Variants in SLC35F1 observed in about 807,000 individuals in gnomAD.
SLC35F1 encodes the protein chromosome 6 open reading frame 169.
In SLC35F1, 14 loss-of-function variants were observed where a neutral mutation model predicts 48.7. That is an observed-to-expected ratio of 0.29 (90% CI 0.19 to 0.45). SLC35F1 has a LOEUF of 0.45. Ranked by LOEUF, SLC35F1 falls within the 20% of genes least tolerant of loss-of-function variation. The pLI, the probability that SLC35F1 is intolerant of heterozygous loss-of-function variation, is 1.00. For synonymous variants in SLC35F1, 190 were observed against 202.2 expected, an observed-to-expected ratio of 0.94 and a Z score of 0.51; for missense variants, 404 against 500.0, an observed-to-expected ratio of 0.81 and a Z score of 1.83.
intron 1 of SLC35F1, among the ~76,000 whole-genome samples, chr6:118,143,318 A>G (rs1773919604): frequency 6.6e-6 from 1 of 152,190 alleles, no homozygotes; most frequent in African/African-American, 2.4e-5. Flanking sequence ...TGTAAGGAAA[A>G]ATGCCAAAGT....
At chr6:118,099,281 A>ACC (rs1773222539) in intron 1 of SLC35F1, among the ~76,000 whole-genome samples, 2 of 152,222 alleles carry the variant, frequency 1.3e-5, no homozygotes, top group Admixed American at 1.3e-4. Context: ...CTGTGAAAAC[A>ACC]AATTGCTAGA....
rs1012764518 is a variant in SLC35F1 at position 117,907,986 on chromosome 6, G to C, written c.173+87G>C. 5 of 1,200,708 alleles carry C rather than the reference G, an allele frequency of 4.2e-6. No homozygotes were observed. In the African/African-American group the frequency reaches 4.8e-5, roughly 12 times the overall value. The allele number at this position is 1,200,708 out of a possible 1,614,324, so 74.4% of individuals were successfully genotyped here. ...CCCCTCCGTCCCTGGGGCGGCCCAC[G>C]GGTCCTTTGGGACGGGGTTGCGGCC... On this transcript the variant is annotated intron_variant, in intron 1 of 7. Coordinates refer to ENST00000360388, the MANE Select transcript of SLC35F1 (RefSeq NM_001029858.4).
chr6:118,281,196 C>CTATATATA lies in SLC35F1; in HGVS notation c.847+3651_847+3652insATATATAT, dbSNP rs1473388042. On this transcript the variant is annotated intron_variant, in intron 6 of 7. Transcript: ENST00000360388. ...AGTAACTCTCTCTCTCTCTCTCTCT[C>CTATATATA]TCTCTCTCTATATATATATATATAT... Among the ~76,000 whole-genome samples, 4 of 125,264 alleles carry CTATATATA rather than the reference C, an allele frequency of 3.2e-5. No homozygotes were observed. In the South Asian group the frequency reaches 8.3e-4, roughly 26 times the overall value. 82.2% of individuals were successfully genotyped at this position (125,264 alleles called of 152,430 possible). A position where few individuals can be genotyped will look rare whatever the true frequency, so the allele number is the denominator to read the frequency against.
chr6:118,152,730 T>G (rs1200855426), intron 1 of SLC35F1, among the ~76,000 whole-genome samples: 1 of 152,076 alleles, frequency 6.6e-6, no homozygotes, highest in Admixed American at 6.6e-5. Flanking sequence ...TCAGAGCAAG[T>G]CACAAGACCA....
At chr6:118,088,618 A>G (rs1773026530) in intron 1 of SLC35F1, among the ~76,000 whole-genome samples, 1 of 152,182 alleles carries the variant, frequency 6.6e-6, no homozygotes, top group South Asian at 2.1e-4. Flanking sequence ...TTCAAAATAA[A>G]TAGGACGTCT....
Position 118,206,435 on chromosome 6 carries a change from T to C in SLC35F1, c.350-29074T>C, listed in dbSNP as rs187502968. ...AATGGCTTCTCCCAGCAGGAGGGCATAATCTCAGCACTGTGGGTTAGTGCA... is the reference window on the plus strand; with the variant it reads ...AATGGCTTCTCCCAGCAGGAGGGCACAATCTCAGCACTGTGGGTTAGTGCA... On this transcript the variant is annotated intron_variant, in intron 2 of 7. Transcript: ENST00000360388. Among the ~76,000 whole-genome samples the C allele has an allele frequency of 1.8e-4, 27 of 152,322 alleles. No individual in the cohort carries two copies. The East Asian group carries it at 5.0e-3, about 28-fold the overall frequency.
intron 6 of SLC35F1, among the ~76,000 whole-genome samples, chr6:118,283,759 T>C (rs1414766583): frequency 6.6e-6 from 1 of 152,224 alleles, no homozygotes; most frequent in African/African-American, 2.4e-5. Context: ...AGTTATGTAA[T>C]ACTTATTGCA....
At chr6:117,986,009 C>A (rs574626671) in intron 1 of SLC35F1, among the ~76,000 whole-genome samples, 1 of 152,306 alleles carries the variant, frequency 6.6e-6, no homozygotes, top group Admixed American at 6.5e-5. Flanking sequence ...TGTTTGGAAG[C>A]TAGGCAGCTA....
At chr6:118,065,881 G>A (rs984766395) in intron 1 of SLC35F1, among the ~76,000 whole-genome samples, 11 of 152,228 alleles carry the variant, frequency 7.2e-5, no homozygotes, top group African/African-American at 2.6e-4. Flanking sequence ...CCTTGCATAT[G>A]ATTTTATAAT....
intron 1 of SLC35F1, among the ~76,000 whole-genome samples, chr6:118,094,966 TAA>T (rs34318594): frequency 0.15 from 21,120 of 138,448 alleles, 1,917 homozygotes; most frequent in South Asian, 0.32. Flanking sequence ...AGACTCCGTC[TAA>T]AAAAAAAAAA....
At chr6:118,005,865 A>G (rs991838424) in intron 1 of SLC35F1, among the ~76,000 whole-genome samples, 2 of 152,126 alleles carry the variant, frequency 1.3e-5, no homozygotes, top group African/African-American at 4.8e-5. Context: ...TTCCCATAGG[A>G]TCACTTCTTC....
At chr6:118,070,879 TATATAC>T (rs1396091988) in intron 1 of SLC35F1, among the ~76,000 whole-genome samples, 2 of 106,196 alleles carry the variant, frequency 1.9e-5, no homozygotes, top group South Asian at 3.2e-4. Context: ...ACTATGTATA[TATATAC>T]ATAGTAAATA....
intron 1 of SLC35F1, among the ~76,000 whole-genome samples, chr6:118,132,654 A>C (rs1325111975): frequency 6.6e-6 from 1 of 152,230 alleles, no homozygotes; most frequent in African/African-American, 2.4e-5. Context: ...CTCAGTAAAG[A>C]ATGATTCAGT....
chr6:118,068,834 C>T (rs191161879), intron 1 of SLC35F1, among the ~76,000 whole-genome samples: 31 of 152,270 alleles, frequency 2.0e-4, no homozygotes, highest in African/African-American at 7.0e-4. Context: ...ATACCATAGA[C>T]TTTACAAAGG....
intron 1 of SLC35F1, among the ~76,000 whole-genome samples, chr6:118,064,791 G>T (rs965224117): frequency 2.6e-5 from 4 of 152,094 alleles, no homozygotes; most frequent in African/African-American, 9.7e-5. Context: ...GTTATCTGTG[G>T]TCATGCCTTT....
rs189595625 is a variant in SLC35F1 at position 118,018,765 on chromosome 6, G to T, written c.173+110866G>T. ...AGCTAGCTGGGGATGTGTGGCTAATGGGACCAGTTGCAGTGGTATGCAGTC... is the reference window on the plus strand; with the variant it reads ...AGCTAGCTGGGGATGTGTGGCTAATTGGACCAGTTGCAGTGGTATGCAGTC... On this transcript the variant is annotated intron_variant, in intron 1 of 7. Transcript: ENST00000360388. 2.6e-5 allele frequency among the ~76,000 whole-genome samples: 4 copies of T among 152,264 alleles called. No homozygotes were observed. In the East Asian group the frequency reaches 7.7e-4, roughly 29 times the overall value.
At chr6:117,935,882 G>A (rs1197069645) in intron 1 of SLC35F1, among the ~76,000 whole-genome samples, 1 of 152,170 alleles carries the variant, frequency 6.6e-6, no homozygotes, top group Non-Finnish European at 1.5e-5. Flanking sequence ...ATTGAAATGG[G>A]GTTATAAATA....
chr6:117,911,416 TCCCTC>T lies in SLC35F1; in HGVS notation c.173+3520_173+3524del, dbSNP rs1562235001. Among the ~76,000 whole-genome samples, 121 of 15,942 alleles carry T rather than the reference TCCCTC, an allele frequency of 7.6e-3. 1 individual carries two copies. The highest frequency in any genetic ancestry group is 0.029 in the African/African-American group (120 of 4,068). 10.5% of individuals were successfully genotyped at this position (15,942 alleles called of 152,430 possible). On this transcript the variant is annotated intron_variant, in intron 1 of 7. Coordinates refer to ENST00000360388, the MANE Select transcript of SLC35F1 (RefSeq NM_001029858.4). ...CCCTCCCCTCCCCTCCCTCCCTCCC[TCCCTC>T]CCTCCCTTCCTTCCTTCCTTCCTTC...
intron 1 of SLC35F1, among the ~76,000 whole-genome samples, chr6:118,145,201 A>G (rs1268493492): frequency 6.6e-6 from 1 of 152,174 alleles, no homozygotes; most frequent in Non-Finnish European, 1.5e-5. Context: ...TGTGCTGTGC[A>G]TTTCATAAGA....
Sources: gnomAD v4.1 joint callset for allele counts (sites outside exome capture counted in the v4.1 genomes callset) on GRCh38, gnomAD v4.1.1 for gene constraint, MANE v1.5 for transcripts, NCBI Gene and HGNC (gene_info 2026-07-23, HGNC 2026-07-21) for gene names.